NUP85: variants seen among roughly 807,000 people sequenced by gnomAD.
The protein encoded by NUP85 is nucleoporin 85.
NUP85 carries 23 observed loss-of-function variants against 92.8 expected under a neutral mutation model. That is an observed-to-expected ratio of 0.25 (90% CI 0.18 to 0.35). The LOEUF (loss-of-function observed/expected upper bound fraction) is 0.35, where lower values mean the gene tolerates loss of function less well. NUP85 is among the 10% of genes least tolerant of loss of function. NUP85 has a pLI of 1.00. For synonymous variants in NUP85, 314 were observed against 306.9 expected (o/e 1.02, Z -0.24); for missense variants, 759 against 822.8 (o/e 0.92, Z 0.95).
intron 3 of NUP85, 62 bp downstream of exon 3, chr17:75,210,047 C>T: frequency 6.7e-7 from 1 of 1,502,380 alleles, no homozygotes; most frequent in Non-Finnish European, 9.0e-7. Flanking sequence ...AAATGAAGTA[C>T]ATTGTTGTCT....
At chr17:75,222,676 G>A (rs758555005) in intron 7 of NUP85, among the ~76,000 whole-genome samples, 7 of 151,838 alleles carry the variant, frequency 4.6e-5, no homozygotes, top group African/African-American at 7.3e-5. Context: ...ATATATAACC[G>A]ATCACTTGTT....
chr17:75,225,002 A>G, intron 7 of NUP85, 101 bp from the exon 8 acceptor site: 1 of 1,221,922 alleles, frequency 8.2e-7, no homozygotes. Flanking sequence ...CTGTGTGTGA[A>G]GAGTTAAAAA....
chr17:75,218,454 C>G (rs543070368), intron 7 of NUP85, 148 bp downstream of exon 7: 5 of 937,582 alleles, frequency 5.3e-6, no homozygotes, highest in Admixed American at 4.9e-5. Context: ...CTTTTCTTCC[C>G]TGCTCTATGG....
chr17:75,205,916 G>A (rs1309956884), intron 1 of NUP85, 122 bp downstream of exon 1: 1 of 1,154,362 alleles, frequency 8.7e-7, no homozygotes, highest in African/African-American at 1.5e-5. Context: ...CCTCGACTCA[G>A]TTGCCACTTT....
At chr17:75,206,885 T>A (rs2075100572) in intron 1 of NUP85, among the ~76,000 whole-genome samples, 1 of 151,824 alleles carries the variant, frequency 6.6e-6, no homozygotes, top group South Asian at 2.1e-4. Flanking sequence ...TTTTTTGTAT[T>A]TTTAGTAGAG....
chr17:75,235,306 TG>T (rs2076289377), intron 18 of NUP85, 105 bp downstream of exon 18: 1 of 762,498 alleles, frequency 1.3e-6, no homozygotes, highest in African/African-American at 1.7e-5. Context: ...TATGGACACA[TG>T]TGCCTCTGTT....
intron 7 of NUP85, among the ~76,000 whole-genome samples, chr17:75,219,988 G>A (rs2075550257): frequency 6.6e-6 from 1 of 152,102 alleles, no homozygotes; most frequent in Admixed American, 6.5e-5. Context: ...ACCAGGCCAG[G>A]TCTGAGACAG....
intron 11 of NUP85, among the ~76,000 whole-genome samples, chr17:75,227,605 T>C (rs2075868753): frequency 6.6e-6 from 1 of 151,644 alleles, no homozygotes; most frequent in Admixed American, 6.6e-5. Context: ...CCTCCCAAAG[T>C]GCTGGGATTA....
At chr17:75,233,213 G>C in intron 16 of NUP85, 55 bp downstream of exon 16, 3 of 1,453,980 alleles carry the variant, frequency 2.1e-6, no homozygotes. Flanking sequence ...TAGTTGGGGA[G>C]GTTGGAGGGA....
intron 4 of NUP85, among the ~76,000 whole-genome samples, chr17:75,212,469 GTTTTTT>G (rs57106942): frequency 0.6 from 46,095 of 76,712 alleles, 15,055 homozygotes; most frequent in East Asian, 0.81. Context: ...TGTGCCTGGA[GTTTTTT>G]TTTTTTTTTT....
chr17:75,215,489 A>T (rs12453288), intron 5 of NUP85, among the ~76,000 whole-genome samples: 4 of 152,072 alleles, frequency 2.6e-5, no homozygotes, highest in South Asian at 2.1e-4. Flanking sequence ...GGATTACAGG[A>T]ATGAGCCACT....
rs1218947068 is a variant in NUP85, at chr17:75,211,958, A to C, written c.291-34A>C. On this transcript the variant is annotated intron_variant, in intron 3 of 18. Coordinates refer to ENST00000245544, the MANE Select transcript of NUP85 (RefSeq NM_024844.5). ...CCTTTGTGGCACTACAAGATGTTCC[A>C]GGCTCATCTTGTGTGTTATTTCATT... The C allele has an allele frequency of 2.0e-6, 3 of 1,516,790 alleles. No homozygotes were observed. In the African/African-American group the frequency reaches 4.1e-5, roughly 21 times the overall value. The allele number at this position is 1,516,790 out of a possible 1,614,324, so 94.0% of individuals were successfully genotyped here.
At position 75,205,715 on chromosome 17, in the gene NUP85, G is replaced by T; in HGVS notation, c.-47G>T. 1 of 1,613,346 alleles carries T rather than the reference G, an allele frequency of 6.2e-7. No homozygotes were observed. Among genetic ancestry groups the T allele is most frequent in the Non-Finnish European group, 8.5e-7 (1 of 1,179,290 alleles). On this transcript the variant is annotated 5_prime_UTR_variant, in exon 1 of 19. Transcript: ENST00000245544. ...AGCTCTGAGCGGGAGGCCTGAGCGG[G>T]AAGCATTGGCGTCCGAGCGACTTCT...
In NUP85 at chr17:75,231,617, C is replaced by T. The variant is rs748054022; in HGVS notation, c.1223C>T (p.Ser408Leu). ...GAGTTCCTCCTGCTGGAGTACGCCTCGGGACTGTTTGCTCATCCCAGGTAG... is the reference window on the plus strand; with the variant it reads ...GAGTTCCTCCTGCTGGAGTACGCCTTGGGACTGTTTGCTCATCCCAGGTAG... ...MREFLLLEYA[S>L]GLFAHPSLWQ... The change falls in exon 13 of 19, where the codon TCG becomes TTG. Residue 408 changes from serine (S) to leucine (L), a missense_variant. Ser to Leu is a moderately radical substitution (Grantham distance 145, BLOSUM62 -2). Transcript: ENST00000245544. This position sits in a 1 kb window ranked among gnomAD's most constrained non-coding sequence, Gnocchi z 4.6. The T allele has an allele frequency of 1.2e-5, 19 of 1,614,192 alleles. No homozygotes were observed. Among genetic ancestry groups the T allele is most frequent in the Admixed American group, 1.7e-5 (1 of 60,028 alleles).
In NUP85 at chr17:75,231,771, C is replaced by T. The variant is rs2076069912; in HGVS notation, c.1245-57C>T. On this transcript the variant is annotated intron_variant, in intron 13 of 18. Transcript: ENST00000245544. This position sits in a 1 kb window ranked among gnomAD's most constrained non-coding sequence, Gnocchi z 4.6. ...GGTCAGTGAAAGGGAGCTGTAGGTG[C>T]CAGTCCTCGGAGCCATGAGGCAGCA... is the stretch of plus-strand genomic sequence containing the variant. 9 of 1,609,190 alleles carry T rather than the reference C, an allele frequency of 5.6e-6. No homozygotes were observed. The highest frequency in any genetic ancestry group is 7.6e-6 in the Non-Finnish European group (9 of 1,176,488).
chr17:75,213,547 C>T (rs966000050), intron 5 of NUP85, among the ~76,000 whole-genome samples: 1 of 152,068 alleles, frequency 6.6e-6, no homozygotes, highest in African/African-American at 2.4e-5. Flanking sequence ...CCCGCCTCGA[C>T]CTCCCAAAGT....
In NUP85 at chr17:75,219,806, A is replaced by G. The variant is rs534824610; in HGVS notation, c.597+1500A>G. On this transcript the variant is annotated intron_variant, in intron 7 of 18. Transcript: ENST00000245544. ...AGGGGCATCGAAGAAGGCCTCCCTC[A>G]TGAGAGATTGGAGGTGAGACCTGAA... Among the ~76,000 whole-genome samples the G allele has an allele frequency of 1.1e-4, 17 of 152,298 alleles. No homozygotes were observed. In the East Asian group the frequency reaches 1.2e-3, roughly 10 times the overall value.
chr17:75,233,772 G>T (rs1422139503), intron 16 of NUP85, among the ~76,000 whole-genome samples: 1 of 151,852 alleles, frequency 6.6e-6, no homozygotes, highest in Non-Finnish European at 1.5e-5. Flanking sequence ...CTAATTTTTT[G>T]TATTTTTAGT....
intron 1 of NUP85, chr17:75,208,192 T>G (rs2075144712): frequency 4.2e-6 from 1 of 238,564 alleles, no homozygotes; most frequent in Non-Finnish European, 8.0e-6. Context: ...TCCTAGCACT[T>G]TGGGAGGCTG....
Sources: gnomAD v4.1 joint callset for allele counts (sites outside exome capture counted in the v4.1 genomes callset) on GRCh38, gnomAD v4.1.1 for gene constraint, Gnocchi (gnomAD v3.1) non-coding constraint, MANE v1.5 for transcripts, NCBI Gene and HGNC (gene_info 2026-07-23, HGNC 2026-07-21) for gene names.